The following LRBA variants were observed in gnomAD, a reference collection of about 807,000 sequenced individuals.
LRBA encodes lipopolysaccharide-responsive and beige-like anchor protein.
LRBA carries 176 observed loss-of-function variants against 330.0 expected under a neutral mutation model. The ratio of observed to expected loss-of-function variants is 0.53; its 90% CI spans 0.47 to 0.60. The LOEUF (loss-of-function observed/expected upper bound fraction) is 0.60, where lower values mean the gene tolerates loss of function less well. LRBA is among the 20% of genes least tolerant of loss of function. The pLI is 0.00. For missense variants in LRBA, 3,259 were observed against 3,444.8 expected, an observed-to-expected ratio of 0.95 and a Z score of 1.35; for synonymous variants, 1,230 against 1,193.0, an observed-to-expected ratio of 1.03 and a Z score of -0.64.
At chr4:150,348,704 G>T (rs186484544) in intron 48 of LRBA, among the ~76,000 whole-genome samples, 6 of 152,206 alleles carry the variant, frequency 3.9e-5, no homozygotes, top group Middle Eastern at 3.4e-3. Context: ...TGGTATATTT[G>T]TTGAAGAATT....
chr4:150,724,376 T>G (rs1729374362), intron 36 of LRBA, among the ~76,000 whole-genome samples: 1 of 152,170 alleles, frequency 6.6e-6, no homozygotes, highest in African/African-American at 2.4e-5. Context: ...ATGGTACCTC[T>G]ACGAGTCAGC....
intron 36 of LRBA, among the ~76,000 whole-genome samples, chr4:150,701,626 T>A (rs1785132943): frequency 6.6e-6 from 1 of 152,190 alleles, no homozygotes; most frequent in Non-Finnish European, 1.5e-5. Context: ...ACTGTGTATA[T>A]ATAAAGCAAA....
At chr4:150,667,362 T>C (rs1781656688) in intron 37 of LRBA, among the ~76,000 whole-genome samples, 1 of 152,014 alleles carries the variant, frequency 6.6e-6, no homozygotes, top group Non-Finnish European at 1.5e-5. Context: ...GAAGGCATTG[T>C]GATGATGGAA....
intron 36 of LRBA, among the ~76,000 whole-genome samples, chr4:150,722,925 C>G (rs972279957): frequency 2.6e-5 from 4 of 152,050 alleles, no homozygotes; most frequent in Non-Finnish European, 5.9e-5. Flanking sequence ...GACTGGAGAA[C>G]TTTACATTGG....
intron 47 of LRBA, among the ~76,000 whole-genome samples, chr4:150,406,552 T>TA (rs775228927): frequency 3.6e-4 from 55 of 152,174 alleles, no homozygotes; most frequent in Non-Finnish European, 5.6e-4. Flanking sequence ...GACGTGGCTT[T>TA]AACAGTATCA....
intron 42 of LRBA, among the ~76,000 whole-genome samples, chr4:150,477,803 T>A (rs997724411): frequency 3.9e-5 from 6 of 152,032 alleles, no homozygotes; most frequent in African/African-American, 1.4e-4. Context: ...ATAAGATATG[T>A]CTGCTTCCCC....
intron 37 of LRBA, among the ~76,000 whole-genome samples, chr4:150,658,511 CT>C (rs1554074204): frequency 2.5e-3 from 1 of 400 alleles, no homozygotes; most frequent in Admixed American, 0.038. Flanking sequence ...AAAAGTCTCC[CT>C]CTCCCTCTCC....
intron 53 of LRBA, among the ~76,000 whole-genome samples, chr4:150,292,208 A>G (rs763696864): frequency 6.6e-6 from 1 of 152,346 alleles, no homozygotes; most frequent in African/African-American, 2.4e-5. Context: ...TATCTTGCTC[A>G]TAAATATCCA....
intron 40 of LRBA, among the ~76,000 whole-genome samples, chr4:150,503,884 G>C (rs952715690): frequency 2.6e-5 from 4 of 152,150 alleles, no homozygotes; most frequent in Admixed American, 2.6e-4. Flanking sequence ...AACCAATGCA[G>C]AGAAGTCCTT....
At chr4:150,791,653 CAG>C (rs1739930987) in intron 34 of LRBA, among the ~76,000 whole-genome samples, 1 of 152,100 alleles carries the variant, frequency 6.6e-6, no homozygotes, top group Non-Finnish European at 1.5e-5. Context: ...TCTAAATGTA[CAG>C]AATAATGGCC....
At chr4:150,896,532 G>A (rs1730106553) in intron 15 of LRBA, 76 bp from the exon 16 acceptor site, 7 of 737,700 alleles carry the variant, frequency 9.5e-6, no homozygotes, top group Non-Finnish European at 1.6e-5. Flanking sequence ...ACATAGATTT[G>A]TCAAGTTGGT....
At chr4:150,544,608 A>T (rs965618128) in intron 40 of LRBA, among the ~76,000 whole-genome samples, 1 of 152,126 alleles carries the variant, frequency 6.6e-6, no homozygotes, top group African/African-American at 2.4e-5. Context: ...TCCTTGCCAC[A>T]GCAATTTCTA....
chr4:150,438,858 G>A (rs988042267), intron 44 of LRBA, among the ~76,000 whole-genome samples: 53 of 152,088 alleles, frequency 3.5e-4, no homozygotes, highest in African/African-American at 1.3e-3. Context: ...GAATATTATT[G>A]TATGTTAAGG....
At position 150,786,467 on chromosome 4, in the gene LRBA, C is replaced by T. The variant is rs548985550; in HGVS notation, c.5580+11614G>A. Among the ~76,000 whole-genome samples, 4 of 152,224 alleles carry T rather than the reference C, an allele frequency of 2.6e-5. No homozygotes were observed. The East Asian group carries it at 7.7e-4, about 29-fold the overall frequency. The stretch of plus-strand genomic sequence containing the variant: ...CCATGTTGTCCAGGCTGGTCTCAAA[C>T]TCCTGACCTCAGATGATCCACCCAG... On this transcript the variant is annotated intron_variant, in intron 34 of 56. Transcript: ENST00000651943.
At chr4:150,474,500 T>A (rs542290425) in intron 42 of LRBA, among the ~76,000 whole-genome samples, 2 of 152,142 alleles carry the variant, frequency 1.3e-5, no homozygotes, top group African/African-American at 4.8e-5. Flanking sequence ...TCTAGGTCCA[T>A]TGCATTTCAA....
intron 37 of LRBA, among the ~76,000 whole-genome samples, chr4:150,638,671 T>A (rs1247237050): frequency 5.4e-5 from 8 of 147,612 alleles, no homozygotes. Flanking sequence ...TCACACCAGT[T>A]AGAATGGTGA....
rs1264094184 is a variant in LRBA at position 150,264,532 on chromosome 4, T to C, written c.*1190A>G. On this transcript the variant is annotated 3_prime_UTR_variant, in exon 57 of 57. Transcript: ENST00000651943. ...TCCAACAATTCAATTACAGATGCCATTTTATTCAGCTTTTTCTGTCAAACT... is the reference window on the plus strand; with the variant it reads ...TCCAACAATTCAATTACAGATGCCACTTTATTCAGCTTTTTCTGTCAAACT... 1.3e-5 allele frequency: 2 copies of C among 152,286 alleles called. No individual in the cohort carries two copies. Among genetic ancestry groups the C allele is most frequent in the African/African-American group, 4.8e-5 (2 of 41,468 alleles). The allele number at this position is 152,286 out of a possible 1,614,324, so 9.4% of individuals were successfully genotyped here. A position where few individuals can be genotyped will look rare whatever the true frequency, so the allele number is the denominator to read the frequency against.
chr4:150,280,781 C>G (rs1423224612), intron 55 of LRBA, among the ~76,000 whole-genome samples: 3 of 152,178 alleles, frequency 2.0e-5, no homozygotes, highest in African/African-American at 7.2e-5. Flanking sequence ...GGATTCCCAG[C>G]CTGTGGCTTC....
intron 41 of LRBA, among the ~76,000 whole-genome samples, chr4:150,489,514 A>T (rs376811829): frequency 0.036 from 1,218 of 34,234 alleles, 339 homozygotes; most frequent in Non-Finnish European, 0.074. Context: ...AAGAATATAT[A>T]ATATATAAGA....
Sources: gnomAD v4.1 joint callset for allele counts (sites outside exome capture counted in the v4.1 genomes callset) on GRCh38, gnomAD v4.1.1 for gene constraint, MANE v1.5 for transcripts, NCBI Gene and HGNC (gene_info 2026-07-23, HGNC 2026-07-21) for gene names.